The following ASTN1 variants were observed in gnomAD, a reference collection of about 807,000 sequenced individuals.
The protein encoded by ASTN1 is astrotactin-1.
A neutral mutation model predicts 140.7 loss-of-function variants in ASTN1; 41 were observed. That is an observed-to-expected ratio of 0.29 (90% CI 0.23 to 0.38). ASTN1 has a LOEUF of 0.38. Ranked by LOEUF, ASTN1 falls within the 10% of genes least tolerant of loss-of-function variation. The probability of loss-of-function intolerance (pLI) is 1.00; values close to 1 mark genes in which losing one functional copy is unlikely to be tolerated. For synonymous variants in ASTN1, 640 were observed against 652.2 expected (o/e 0.98, Z 0.29); for missense variants, 1,479 against 1,678.8 (o/e 0.88, Z 2.08).
chr1:177,024,082 A>G (rs1431558812), intron 6 of ASTN1, among the ~76,000 whole-genome samples: 1 of 152,244 alleles, frequency 6.6e-6, no homozygotes, highest in Non-Finnish European at 1.5e-5. Context: ...AGGGACTCTC[A>G]GAACCTATAT....
intron 20 of ASTN1, among the ~76,000 whole-genome samples, chr1:176,877,552 T>C (rs1409902703): frequency 6.6e-6 from 1 of 152,208 alleles, no homozygotes; most frequent in Admixed American, 6.5e-5. Flanking sequence ...TATTAAAGGC[T>C]GAAAGTAAAA....
At chr1:176,890,577 G>A (rs758815253) in intron 17 of ASTN1, among the ~76,000 whole-genome samples, 12 of 152,150 alleles carry the variant, frequency 7.9e-5, no homozygotes, top group Non-Finnish European at 1.2e-4. Flanking sequence ...TTTCAAGAGC[G>A]CTGGTAAGTA....
intron 16 of ASTN1, among the ~76,000 whole-genome samples, chr1:176,926,992 A>AT (rs1670997978): frequency 6.6e-6 from 1 of 152,196 alleles, no homozygotes; most frequent in African/African-American, 2.4e-5. Context: ...AGAGGAACCA[A>AT]TTTAGTCTTC....
rs76196828 is a variant in ASTN1 at position 177,095,906 on chromosome 1, G to A, written c.284-34641C>T. 4.2e-3 allele frequency among the ~76,000 whole-genome samples: 637 copies of A among 152,298 alleles called. 4 individuals carry two copies. The highest frequency in any genetic ancestry group is 0.015 in the African/African-American group (621 of 41,580). On this transcript the variant is annotated intron_variant, in intron 1 of 22. Coordinates refer to ENST00000361833, the MANE Select transcript of ASTN1 (RefSeq NM_004319.3). Reference sequence around the variant, plus strand: ...CATCAGCTGTACCCAGCAAAGCCATGGGGGAATGGCTGCCAGGAGTCTTAG... The same window carrying A: ...CATCAGCTGTACCCAGCAAAGCCATAGGGGAATGGCTGCCAGGAGTCTTAG...
chr1:177,091,131 C>G (rs1679732162), intron 1 of ASTN1, among the ~76,000 whole-genome samples: 1 of 152,138 alleles, frequency 6.6e-6, no homozygotes, highest in African/African-American at 2.4e-5. Context: ...GGTGCATGTA[C>G]TGAATTAGAT....
chr1:176,926,258 C>T (rs1021482056), intron 16 of ASTN1, among the ~76,000 whole-genome samples: 43 of 140,702 alleles, frequency 3.1e-4, no homozygotes, highest in African/African-American at 1.0e-3. Flanking sequence ...ATGAAAAAGG[C>T]GATATAACAT....
At chr1:176,883,507 A>T (rs1471098585) in intron 19 of ASTN1, among the ~76,000 whole-genome samples, 2 of 152,130 alleles carry the variant, frequency 1.3e-5, no homozygotes, top group African/African-American at 4.8e-5. Flanking sequence ...GCGCTCCTTT[A>T]TAAAATTTTC....
chr1:176,876,209 C>T (rs1668551892), intron 21 of ASTN1, among the ~76,000 whole-genome samples: 1 of 152,196 alleles, frequency 6.6e-6, no homozygotes, highest in African/African-American at 2.4e-5. Flanking sequence ...GTGACCCTAT[C>T]AGTATCCTGA....
intron 1 of ASTN1, among the ~76,000 whole-genome samples, chr1:177,116,818 T>C (rs888586190): frequency 2.0e-5 from 3 of 152,152 alleles, no homozygotes; most frequent in Non-Finnish European, 2.9e-5. Flanking sequence ...CTGACTTTTC[T>C]ACCATTTTTC....
At chr1:177,106,702 C>T (rs539730107) in intron 1 of ASTN1, among the ~76,000 whole-genome samples, 1 of 152,284 alleles carries the variant, frequency 6.6e-6, no homozygotes, top group South Asian at 2.1e-4. Flanking sequence ...TCATTTCCTG[C>T]AATTCACAGA....
intron 8 of ASTN1, among the ~76,000 whole-genome samples, chr1:176,970,187 G>A (rs906100863): frequency 6.6e-5 from 10 of 152,170 alleles, no homozygotes; most frequent in Admixed American, 1.3e-4. Flanking sequence ...CTTTTGCAGG[G>A]ATTTTTCCCT....
intron 1 of ASTN1, among the ~76,000 whole-genome samples, chr1:177,118,486 T>C (rs1441380633): frequency 6.6e-6 from 1 of 152,104 alleles, no homozygotes; most frequent in Non-Finnish European, 1.5e-5. Context: ...GTATGCAAAT[T>C]AGTATATCCC....
intron 14 of ASTN1, 101 bp from the exon 15 acceptor site, chr1:176,936,471 A>G (rs1671453247): frequency 3.5e-6 from 3 of 859,788 alleles, no homozygotes; most frequent in Non-Finnish European, 5.4e-6. Context: ...TGTAATTGTG[A>G]GAAAATGATT....
chr1:177,046,645 A>G (rs181167872), intron 2 of ASTN1, among the ~76,000 whole-genome samples: 2 of 152,330 alleles, frequency 1.3e-5, no homozygotes, highest in Non-Finnish European at 2.9e-5. Context: ...TTTGCTCAGT[A>G]TCAACTTAAA....
chr1:177,017,068 A>T (rs1218030410), intron 7 of ASTN1, among the ~76,000 whole-genome samples: 1 of 152,262 alleles, frequency 6.6e-6, no homozygotes, highest in Non-Finnish European at 1.5e-5. Context: ...ACATATAAAA[A>T]TAAATGCAGT....
intron 1 of ASTN1, among the ~76,000 whole-genome samples, chr1:177,079,850 A>G (rs1346718870): frequency 6.6e-6 from 1 of 152,144 alleles, no homozygotes; most frequent in Non-Finnish European, 1.5e-5. Context: ...AACAATCCAG[A>G]GAAAGAATCC....
chr1:177,008,563 G>A (rs1028661280), intron 8 of ASTN1, among the ~76,000 whole-genome samples: 5 of 149,872 alleles, frequency 3.3e-5, no homozygotes, highest in South Asian at 2.1e-4. Context: ...AAGAGCAAGA[G>A]AGGGAGGAAG....
chr1:176,868,073 A>C (rs903885259), intron 22 of ASTN1, among the ~76,000 whole-genome samples: 2 of 151,998 alleles, frequency 1.3e-5, no homozygotes, highest in African/African-American at 2.4e-5. Flanking sequence ...TGAGCACCTA[A>C]ATAATTTGGG....
At chr1:176,888,993 C>T (rs989428373) in intron 17 of ASTN1, among the ~76,000 whole-genome samples, 9 of 152,182 alleles carry the variant, frequency 5.9e-5, no homozygotes, top group African/African-American at 1.7e-4. Flanking sequence ...ACATTAGTCA[C>T]GAATAAATGC....
Sources: allele counts gnomAD v4.1 joint callset (sites outside exome capture counted in the v4.1 genomes callset), GRCh38; gene constraint gnomAD v4.1.1; transcripts MANE v1.5; gene names NCBI Gene and HGNC (gene_info 2026-07-23, HGNC 2026-07-21).